The following PTPA variants were observed in gnomAD, a reference collection of about 807,000 sequenced individuals.
The protein encoded by PTPA is protein phosphatase 2 phosphatase activator, also known as serine/threonine-protein phosphatase 2A activator.
A neutral mutation model predicts 43.6 loss-of-function variants in PTPA; 13 were observed. The observed-to-expected ratio is 0.30, with a 90% CI of 0.19 to 0.47. The LOEUF is 0.47. Ranked by LOEUF, PTPA falls within the 20% of genes least tolerant of loss-of-function variation. PTPA has a pLI of 0.99. For synonymous variants in PTPA, 172 were observed against 158.2 expected, an observed-to-expected ratio of 1.09 and a Z score of -0.66; for missense variants, 329 against 411.9, an observed-to-expected ratio of 0.80 and a Z score of 1.74.
rs898011934 is a variant in PTPA at position 129,113,042 on chromosome 9, G to A, written c.31+1411G>A. Among the ~76,000 whole-genome samples the A allele has an allele frequency of 3.1e-4, 45 of 146,516 alleles. 1 individual carries two copies. The highest frequency in any genetic ancestry group is 1.2e-3 in the African/African-American group (45 of 38,342). On this transcript the variant is annotated intron_variant, in intron 1 of 9. Transcript: ENST00000393370. The stretch of plus-strand genomic sequence containing the variant: ...ACACATAAAATACACTAACACTAAC[G>A]ATGGCTGATGAGCTAAAAAAAAAGT...
chr9:129,143,085 T>G, intron 9 of PTPA: 2 of 694,920 alleles, frequency 2.9e-6, no homozygotes, highest in Non-Finnish European at 4.7e-6. Context: ...TGCTCTCAAA[T>G]CAGATGCTGA....
intron 1 of PTPA, among the ~76,000 whole-genome samples, chr9:129,115,468 A>G (rs1848803386): frequency 6.6e-6 from 1 of 152,134 alleles, no homozygotes; most frequent in Non-Finnish European, 1.5e-5. Context: ...CTCTCCAGAC[A>G]GGCTCTATTT....
intron 2 of PTPA, among the ~76,000 whole-genome samples, chr9:129,122,694 G>A (rs1205337594): frequency 2.6e-5 from 4 of 152,190 alleles, no homozygotes; most frequent in African/African-American, 9.7e-5. Flanking sequence ...GGTCTTGGGA[G>A]ACCTTGGGCG....
Position 129,115,521 on chromosome 9 carries a change from CCT to C in PTPA, c.31+3891_31+3892del, listed in dbSNP as rs545025729. Among the ~76,000 whole-genome samples, 42 of 152,278 alleles carry C rather than the reference CCT, an allele frequency of 2.8e-4. 1 individual carries two copies. In the South Asian group the frequency reaches 8.7e-3, roughly 32 times the overall value. ...TCCAGAAACTTCTTAGGTCCCTGTC[CCT>C]TTTTCTCCATGTAGCTGATGTCAGC... On this transcript the variant is annotated intron_variant, in intron 1 of 9. Transcript: ENST00000393370.
intron 1 of PTPA, chr9:129,111,839 G>C: frequency 8.3e-7 from 1 of 1,202,706 alleles, no homozygotes; most frequent in Non-Finnish European, 1.0e-6. Flanking sequence ...CTGCAAAGGG[G>C]TGGTGATTGG....
At chr9:129,129,496 G>A (rs7855904) in intron 4 of PTPA, among the ~76,000 whole-genome samples, 89,407 of 150,272 alleles carry the variant, frequency 0.59, 28,482 homozygotes, top group Non-Finnish European at 0.7. Context: ...TTTAGACGGA[G>A]TCTCGCTGTG....
At chr9:129,131,459 G>A in intron 4 of PTPA, 63 bp from the exon 5 acceptor site, 1 of 1,484,460 alleles carries the variant, frequency 6.7e-7, no homozygotes, top group Non-Finnish European at 9.4e-7. Context: ...CTGCCCCTGG[G>A]CACCTGCCCA....
At chr9:129,122,122 A>C (rs975549871) in intron 2 of PTPA, among the ~76,000 whole-genome samples, 1 of 151,282 alleles carries the variant, frequency 6.6e-6, no homozygotes, top group Non-Finnish European at 1.5e-5. Context: ...TTTTTTTTTG[A>C]GACAGGGTCT....
Position 129,111,629 on chromosome 9 carries a change from C to CAGGT in PTPA, c.31_31+3dup, listed in dbSNP as rs1460496021. 1 of 1,274,042 alleles carries CAGGT rather than the reference C, an allele frequency of 7.8e-7. No individual in the cohort carries two copies. The highest frequency in any genetic ancestry group is 1.0e-6 in the Non-Finnish European group (1 of 1,002,208). The allele number at this position is 1,274,042 out of a possible 1,614,324, so 78.9% of individuals were successfully genotyped here. A position where few individuals can be genotyped will look rare whatever the true frequency, so the allele number is the denominator to read the frequency against. On this transcript the variant is annotated frameshift_variant and splice_region_variant, in exon 1 of 10. Coordinates refer to ENST00000393370, the MANE Select transcript of PTPA (RefSeq NM_178000.3). LOFTEE classifies it high-confidence loss of function. ...GCTGAGGGCGAGCGGCAGCCGCCGC[C>CAGGT]AGGTAAGGCCGGCGGGGCCAGGCCG...
At position 129,142,245 on chromosome 9, in the gene PTPA, G is replaced by A. The variant is rs17455901; in HGVS notation, c.787-200G>A. 7.2e-3 allele frequency: 3,371 copies of A among 466,482 alleles called. 22 individuals carry two copies. Among genetic ancestry groups the A allele is most frequent in the Middle Eastern group, 0.014 (26 of 1,798 alleles). 28.9% of individuals were successfully genotyped at this position (466,482 alleles called of 1,614,324 possible). A position where few individuals can be genotyped will look rare whatever the true frequency, so the allele number is the denominator to read the frequency against. ...GGGCCAAAGGGGAACCTTGTCTCTG[G>A]CACTTGCATGTGCCTGTTTGTATGT... On this transcript the variant is annotated intron_variant, in intron 8 of 9. Coordinates refer to ENST00000393370, the MANE Select transcript of PTPA (RefSeq NM_178000.3).
At chr9:129,122,922 G>C in intron 2 of PTPA, 130 bp from the exon 3 acceptor site, 1 of 675,098 alleles carries the variant, frequency 1.5e-6, no homozygotes, top group Non-Finnish European at 2.6e-6. Context: ...TCCTGCTATT[G>C]GGTTGGGAGT....
chr9:129,138,965 T>C (rs547402647), intron 8 of PTPA, among the ~76,000 whole-genome samples: 1 of 152,188 alleles, frequency 6.6e-6, no homozygotes, highest in Non-Finnish European at 1.5e-5. Context: ...TGAAAGCCAG[T>C]CACGCGCTGC....
chr9:129,113,197 G>A (rs1848657376), intron 1 of PTPA, among the ~76,000 whole-genome samples: 1 of 151,754 alleles, frequency 6.6e-6, no homozygotes, highest in Admixed American at 6.6e-5. Context: ...GGGTTCAAGC[G>A]ATTCTCCTGC....
chr9:129,111,565 C>T lies in PTPA; in HGVS notation c.-36C>T. On this transcript the variant is annotated 5_prime_UTR_variant, in exon 1 of 10. Transcript: ENST00000393370. ...TGCAAGAGTGAAAGGCGAGAGGGGACTGCAAGCATCCGGGTCGGCTCCTGG... is the reference window on the plus strand; with the variant it reads ...TGCAAGAGTGAAAGGCGAGAGGGGATTGCAAGCATCCGGGTCGGCTCCTGG... 1 of 1,293,126 alleles carries T rather than the reference C, an allele frequency of 7.7e-7. No homozygotes were observed. Among genetic ancestry groups the T allele is most frequent in the East Asian group, 3.1e-5 (1 of 32,196 alleles). The allele number at this position is 1,293,126 out of a possible 1,614,324, so 80.1% of individuals were successfully genotyped here.
intron 9 of PTPA, chr9:129,142,886 G>A: frequency 6.6e-7 from 1 of 1,504,218 alleles, no homozygotes; most frequent in African/African-American, 1.4e-5. Flanking sequence ...GCTCCTCAAA[G>A]CTCGGGCAGT....
intron 9 of PTPA, among the ~76,000 whole-genome samples, chr9:129,146,187 G>A (rs1198681914): frequency 2.6e-5 from 4 of 152,082 alleles, no homozygotes; most frequent in Non-Finnish European, 2.9e-5. Flanking sequence ...CTGGATCTGC[G>A]GCTGCTCCCC....
intron 7 of PTPA, 141 bp from the exon 8 acceptor site, chr9:129,137,451 T>G: frequency 1.6e-6 from 1 of 636,800 alleles, no homozygotes; most frequent in South Asian, 1.9e-5. Context: ...AACCCAGAGT[T>G]ACTTATTGCT....
At chr9:129,147,027 C>T (rs975346200) in intron 9 of PTPA, among the ~76,000 whole-genome samples, 58 of 152,338 alleles carry the variant, frequency 3.8e-4, no homozygotes, top group African/African-American at 1.3e-3. Flanking sequence ...GTCCCCACGT[C>T]TCTTCTCTAG....
At chr9:129,123,015 C>T in intron 2 of PTPA, 37 bp from the exon 3 acceptor site, 1 of 1,528,592 alleles carries the variant, frequency 6.5e-7, no homozygotes, top group East Asian at 2.3e-5. Flanking sequence ...GGTCTGCCAC[C>T]CCTCTCCCCA....
Sources: gnomAD v4.1 joint callset for allele counts (sites outside exome capture counted in the v4.1 genomes callset) on GRCh38, gnomAD v4.1.1 for gene constraint, MANE v1.5 for transcripts, NCBI Gene and HGNC (gene_info 2026-07-23, HGNC 2026-07-21) for gene names.